NEK1: variants seen among roughly 807,000 people sequenced by gnomAD.
The protein encoded by NEK1 is serine/threonine-protein kinase Nek1.
In NEK1, 137 loss-of-function variants were observed where a neutral mutation model predicts 182.1. That is an observed-to-expected ratio of 0.75 (90% CI 0.65 to 0.87). NEK1 has a LOEUF of 0.87. Ranked by LOEUF, NEK1 falls within the 40% of genes least tolerant of loss-of-function variation. The pLI is 0.00. For synonymous variants in NEK1, 513 were observed against 492.2 expected (o/e 1.04, Z -0.56); for missense variants, 1,391 against 1,494.4 (o/e 0.93, Z 1.14).
chr4:169,536,228 TAG>T (rs1445113964), intron 19 of NEK1, among the ~76,000 whole-genome samples: 2 of 144,534 alleles, frequency 1.4e-5, no homozygotes, highest in East Asian at 4.1e-4. Flanking sequence ...GCCAGGGAGG[TAG>T]AGGTTGCACT....
At position 169,556,006 on chromosome 4, in the gene NEK1, T is replaced by C. The variant is rs529848109; in HGVS notation, c.1356A>G (p.Gln452=). The C allele has an allele frequency of 6.4e-5, 104 of 1,613,776 alleles. No homozygotes were observed. In the South Asian group the frequency reaches 1.0e-3, roughly 16 times the overall value. Residue 452 remains glutamine, a synonymous_variant, in exon 17 of 36, where the codon CAA becomes CAG. Transcript: ENST00000507142. ...QYEHYHAIFD[Q]MQQQRAEDNE... is the part of the protein sequence containing the mutation. ...TATCTTCTGCTCTTTGTTGCTGCAT[T>C]TGGTCAAAAATGGCATGGTAATGTT... is the stretch of plus-strand genomic sequence containing the variant.
intron 12 of NEK1, among the ~76,000 whole-genome samples, chr4:169,572,198 G>A (rs1012581808): frequency 1.3e-5 from 2 of 152,184 alleles, no homozygotes; most frequent in Non-Finnish European, 2.9e-5. Context: ...CTAATCATGA[G>A]ATTATTATAA....
intron 19 of NEK1, among the ~76,000 whole-genome samples, chr4:169,526,832 A>G (rs923917426): frequency 2.0e-5 from 3 of 152,262 alleles, no homozygotes; most frequent in African/African-American, 7.2e-5. Flanking sequence ...AGAAAAACAA[A>G]AAGTCTAACA....
At chr4:169,537,480 C>T (rs1487302066) in intron 19 of NEK1, among the ~76,000 whole-genome samples, 1 of 152,050 alleles carries the variant, frequency 6.6e-6, no homozygotes, top group African/African-American at 2.4e-5. Context: ...GGAAAAAAAA[C>T]ATGCAGCAAT....
intron 19 of NEK1, among the ~76,000 whole-genome samples, chr4:169,531,510 G>T (rs1455889076): frequency 6.6e-6 from 1 of 151,182 alleles, no homozygotes; most frequent in Non-Finnish European, 1.5e-5. Context: ...TTATATATAT[G>T]TATGTGTATA....
At chr4:169,425,692 A>T (rs1242443454) in intron 30 of NEK1, among the ~76,000 whole-genome samples, 2 of 151,976 alleles carry the variant, frequency 1.3e-5, no homozygotes, top group Non-Finnish European at 2.9e-5. Context: ...AATTTAAAAA[A>T]TTTTTTGTAG....
chr4:169,573,710 T>C (rs1048856542), intron 12 of NEK1, among the ~76,000 whole-genome samples: 1 of 152,152 alleles, frequency 6.6e-6, no homozygotes, highest in Non-Finnish European at 1.5e-5. Context: ...CCTAAAGAAG[T>C]AAGCTAGAAA....
intron 2 of NEK1, 106 bp downstream of exon 2, chr4:169,611,914 C>T (rs1057163331): frequency 2.6e-5 from 4 of 152,128 alleles, no homozygotes; most frequent in African/African-American, 9.7e-5. Flanking sequence ...CCTGCAAACA[C>T]TTAAGGTATC....
At chr4:169,559,004 G>A (rs928913839) in intron 16 of NEK1, among the ~76,000 whole-genome samples, 12 of 151,954 alleles carry the variant, frequency 7.9e-5, no homozygotes, top group Admixed American at 1.3e-4. Flanking sequence ...AATTCAATGA[G>A]GAATAAATAT....
At chr4:169,560,909 T>C (rs1249201952) in intron 16 of NEK1, among the ~76,000 whole-genome samples, 4 of 152,086 alleles carry the variant, frequency 2.6e-5, no homozygotes, top group Non-Finnish European at 5.9e-5. Context: ...ACTGGTTATT[T>C]AGCTAAATGG....
At chr4:169,564,420 C>T (rs1763373891) in intron 12 of NEK1, among the ~76,000 whole-genome samples, 1 of 152,074 alleles carries the variant, frequency 6.6e-6, no homozygotes, top group Non-Finnish European at 1.5e-5. Flanking sequence ...TATATTTTAA[C>T]ATAAGTCATT....
intron 29 of NEK1, among the ~76,000 whole-genome samples, chr4:169,429,540 T>C (rs142357225): frequency 5.6e-4 from 85 of 152,260 alleles, no homozygotes; most frequent in African/African-American, 2.0e-3. Flanking sequence ...CATTGCTTCA[T>C]GTTATTTTAT....
chr4:169,556,443 T>G (rs991517026), intron 16 of NEK1, among the ~76,000 whole-genome samples: 3 of 152,198 alleles, frequency 2.0e-5, no homozygotes, highest in Non-Finnish European at 2.9e-5. Context: ...TGTTTATGTA[T>G]AGCTTATGAG....
intron 31 of NEK1, among the ~76,000 whole-genome samples, chr4:169,410,307 T>A (rs1470594504): frequency 2.6e-5 from 4 of 152,162 alleles, no homozygotes; most frequent in African/African-American, 9.7e-5. Flanking sequence ...TTCCTTCAGT[T>A]TTTATTGCTG....
chr4:169,442,920 C>A (rs1739764949), intron 27 of NEK1, among the ~76,000 whole-genome samples: 1 of 151,666 alleles, frequency 6.6e-6, no homozygotes. Context: ...TGCCTATAGC[C>A]ATAGCTAGTC....
chr4:169,487,969 A>G (rs1749346901), intron 23 of NEK1, among the ~76,000 whole-genome samples: 1 of 151,988 alleles, frequency 6.6e-6, no homozygotes, highest in African/African-American at 2.4e-5. Context: ...TCTTTTTAAG[A>G]AGTGTCTGTT....
chr4:169,449,368 AC>A (rs750805779), intron 27 of NEK1, among the ~76,000 whole-genome samples: 1 of 152,048 alleles, frequency 6.6e-6, no homozygotes, highest in Non-Finnish European at 1.5e-5. Context: ...TGGGTCCCTG[AC>A]CCCCACGCAG....
At chr4:169,539,709 A>G (rs1325024507) in intron 18 of NEK1, among the ~76,000 whole-genome samples, 1 of 152,216 alleles carries the variant, frequency 6.6e-6, no homozygotes, top group Admixed American at 6.6e-5. Flanking sequence ...TGATGCTCAG[A>G]CATGTCATCT....
intron 18 of NEK1, among the ~76,000 whole-genome samples, chr4:169,543,086 G>C (rs1759736898): frequency 6.6e-6 from 1 of 152,218 alleles, no homozygotes; most frequent in Non-Finnish European, 1.5e-5. Flanking sequence ...GAATGGTTTT[G>C]GCTAGGTTTT....
Sources: allele counts gnomAD v4.1 joint callset (sites outside exome capture counted in the v4.1 genomes callset), GRCh38; gene constraint gnomAD v4.1.1; transcripts MANE v1.5; gene names NCBI Gene and HGNC (gene_info 2026-07-23, HGNC 2026-07-21).